MASTL: variants seen among roughly 807,000 people sequenced by gnomAD.
MASTL encodes microtubule associated serine/threonine kinase like, also known as serine/threonine-protein kinase greatwall.
Under a neutral mutation model 82.5 loss-of-function variants are expected in MASTL, and 54 were observed. The ratio of observed to expected loss-of-function variants is 0.65; its 90% CI spans 0.53 to 0.82. The LOEUF (loss-of-function observed/expected upper bound fraction) is 0.82, where lower values mean the gene tolerates loss of function less well. Among genes scored for constraint, MASTL ranks in the 40% least tolerant of loss-of-function variants. The pLI is 0.00. For synonymous variants in MASTL, 323 were observed against 368.9 expected (o/e 0.88, Z 1.43); for missense variants, 950 against 1,047.8 (o/e 0.91, Z 1.29).
chr10:27,169,671 G>A (rs1026656762), intron 7 of MASTL, among the ~76,000 whole-genome samples: 6 of 151,866 alleles, frequency 4.0e-5, no homozygotes, highest in Non-Finnish European at 7.4e-5. Context: ...CTGTTAATTT[G>A]TCCTGTTTAA....
intron 9 of MASTL, among the ~76,000 whole-genome samples, chr10:27,174,281 G>A (rs572574309): frequency 6.6e-6 from 1 of 152,050 alleles, no homozygotes; most frequent in South Asian, 2.1e-4. Context: ...CTTGAACCTG[G>A]GAGGCCGAGG....
chr10:27,172,125 C>T (rs747410539), intron 8 of MASTL, among the ~76,000 whole-genome samples: 4 of 151,958 alleles, frequency 2.6e-5, no homozygotes, highest in Non-Finnish European at 5.9e-5. Context: ...CCATGCCCAG[C>T]GAAAAATATA....
At chr10:27,177,075 C>G (rs879554227) in intron 9 of MASTL, among the ~76,000 whole-genome samples, 5 of 151,992 alleles carry the variant, frequency 3.3e-5, no homozygotes, top group African/African-American at 4.8e-5. Context: ...GAACTCCTGA[C>G]CTTGTGATCC....
At chr10:27,181,148 GC>G (rs1420681769) in intron 10 of MASTL, 82 bp downstream of exon 10, 11 of 1,048,714 alleles carry the variant, frequency 1.0e-5, no homozygotes, top group Non-Finnish European at 1.2e-5. Flanking sequence ...ACTTTGGGAG[GC>G]CAAGGCGGGT....
chr10:27,154,592 C>CG (rs2057293985), upstream of MASTL: 1 of 344,518 alleles, frequency 2.9e-6, no homozygotes, highest in Admixed American at 4.8e-5. Flanking sequence ...TTTTTGGAGA[C>CG]GGAGTTTCGT....
At chr10:27,184,194 A>G (rs2058498621) in intron 11 of MASTL, among the ~76,000 whole-genome samples, 1 of 152,212 alleles carries the variant, frequency 6.6e-6, no homozygotes, top group Non-Finnish European at 1.5e-5. Context: ...AATGTCATGT[A>G]GTGGTAAATA....
chr10:27,177,684 C>T (rs369809454), intron 9 of MASTL: 10 of 186,848 alleles, frequency 5.4e-5, no homozygotes, highest in Middle Eastern at 2.8e-3. Context: ...TTTTCTTAAT[C>T]GTCTTTGTAT....
chr10:27,172,085 C>T (rs2057965933), intron 8 of MASTL, among the ~76,000 whole-genome samples: 1 of 151,878 alleles, frequency 6.6e-6, no homozygotes, highest in Non-Finnish European at 1.5e-5. Context: ...CCTTGGCCTC[C>T]CAAAGTGCTG....
At chr10:27,163,966 C>T (rs1252522864) in intron 4 of MASTL, among the ~76,000 whole-genome samples, 3 of 152,068 alleles carry the variant, frequency 2.0e-5, no homozygotes, top group African/African-American at 4.8e-5. Context: ...GAGAGTCTTG[C>T]TCTGTCACCC....
At position 27,181,562 on chromosome 10, in the gene MASTL, A is replaced by G; in HGVS notation, c.2463A>G (p.Thr821=). 6.2e-7 allele frequency: 1 copy of G among 1,610,016 alleles called. No homozygotes were observed. Among genetic ancestry groups the G allele is most frequent in the Non-Finnish European group, 8.5e-7 (1 of 1,176,586 alleles). ...AVEILLTIDD[T]KRAGMKELKR... ...AAATACTTTTAACCATTGATGATACAAAGAGAGCTGGAATGAAAGGTATGG... is the reference window on the plus strand; with the variant it reads ...AAATACTTTTAACCATTGATGATACGAAGAGAGCTGGAATGAAAGGTATGG... The change falls in exon 11 of 12, where the codon ACA becomes ACG. Residue 821 remains threonine (T), a synonymous_variant. Transcript: ENST00000375940.
Position 27,159,724 on chromosome 10 carries a change from C to A in MASTL, c.430C>A (p.Leu144Ile). 1.2e-6 allele frequency: 2 copies of A among 1,611,974 alleles called. No homozygotes were observed. The highest frequency in any genetic ancestry group is 2.2e-5 in the East Asian group (1 of 44,804). ...VKYISEVALALDYLHRHGIIH... is the reference protein window; with the variant it reads ...VKYISEVALAIDYLHRHGIIH... ...ATATATTTCTGAAGTAGCACTGGCT[C>A]TAGACTACCTTCACAGACATGGAAT... The change falls in exon 3 of 12, where the codon CTA becomes ATA. Residue 144 changes from leucine to isoleucine, a missense_variant. Physicochemically the swap from Leu to Ile is conservative, Grantham distance 5. Transcript: ENST00000375940. The surrounding 1 kb of genome is among the most constrained non-coding windows in gnomAD (Gnocchi z 4.0).
intron 4 of MASTL, among the ~76,000 whole-genome samples, chr10:27,164,658 GA>G (rs1057227361): frequency 3.3e-5 from 5 of 151,928 alleles, no homozygotes; most frequent in African/African-American, 1.2e-4. Flanking sequence ...TAGTTTTTGA[GA>G]TAGAGTTTTG....
intron 11 of MASTL, among the ~76,000 whole-genome samples, chr10:27,186,045 C>T (rs2058719411): frequency 6.6e-6 from 1 of 152,088 alleles, no homozygotes; most frequent in Non-Finnish European, 1.5e-5. Context: ...GCAGAGATCG[C>T]GCCACTGCAC....
Position 27,187,836 on chromosome 10 carries a change from T to C in MASTL, c.*1300T>C, listed in dbSNP as rs751389262. Among the ~76,000 whole-genome samples, 1 of 152,294 alleles carries C rather than the reference T, an allele frequency of 6.6e-6. No homozygotes were observed. Among genetic ancestry groups the C allele is most frequent in the Non-Finnish European group, 1.5e-5 (1 of 68,030 alleles). ...GCTTGTTCAATTTTAATAGAAAATGTGATGCTTTACATCTTATTGTCATTT... is the reference window on the plus strand; with the variant it reads ...GCTTGTTCAATTTTAATAGAAAATGCGATGCTTTACATCTTATTGTCATTT... On this transcript the variant is annotated 3_prime_UTR_variant, in exon 12 of 12. Transcript: ENST00000375940.
intron 4 of MASTL, among the ~76,000 whole-genome samples, chr10:27,161,772 T>C (rs2135989176): frequency 6.6e-6 from 1 of 152,296 alleles, no homozygotes; most frequent in Middle Eastern, 3.4e-3. Flanking sequence ...ACTCACAATT[T>C]CTGTTTTTCT....
chr10:27,155,281 A>G, upstream of MASTL: 1 of 740,204 alleles, frequency 1.4e-6, no homozygotes, highest in Non-Finnish European at 2.2e-6. Context: ...GCGTCTGCGT[A>G]GGGGAGGTGA....
intron 9 of MASTL, among the ~76,000 whole-genome samples, chr10:27,175,889 G>A (rs187703835): frequency 2.0e-5 from 3 of 152,194 alleles, no homozygotes; most frequent in African/African-American, 7.2e-5. Flanking sequence ...TTGAGGTCAG[G>A]AGTTCAAGAC....
At position 27,170,120 on chromosome 10, in the gene MASTL, C is replaced by T. The variant is rs140117828; in HGVS notation, c.1161C>T (p.Asn387=). 9 of 1,614,114 alleles carry T rather than the reference C, an allele frequency of 5.6e-6. No homozygotes were observed. Among genetic ancestry groups the T allele is most frequent in the Non-Finnish European group, 6.8e-6 (8 of 1,180,018 alleles). Residue 387 remains asparagine, a synonymous_variant, in exon 8 of 12, where the codon AAC becomes AAT. Transcript: ENST00000375940. ...CCACCACTGGACGCTCTTGTGTAAA[C>T]CTTGCTAAAAAATGCTTCTCTGGGG... ...ALPTTGRSCV[N]LAKKCFSGEV...
chr10:27,170,350 CTT>C lies in MASTL; in HGVS notation c.1392_1393del (p.Val466ArgfsTer3), dbSNP rs1299823537. On this transcript the variant is annotated frameshift_variant, in exon 8 of 12. Transcript: ENST00000375940. LOFTEE classifies it high-confidence loss of function. ...AAAAAAATTATACAGAATAAAAAAA[CTT>C]GTGTAGAGTATAAGCATAACGAAAT... The C allele has an allele frequency of 1.9e-6, 3 of 1,613,532 alleles. No homozygotes were observed. Among genetic ancestry groups the C allele is most frequent in the Non-Finnish European group, 2.5e-6 (3 of 1,179,676 alleles).
Sources: gnomAD v4.1 joint callset for allele counts (sites outside exome capture counted in the v4.1 genomes callset) on GRCh38, gnomAD v4.1.1 for gene constraint, Gnocchi (gnomAD v3.1) non-coding constraint, MANE v1.5 for transcripts, NCBI Gene and HGNC (gene_info 2026-07-23, HGNC 2026-07-21) for gene names.